The following ZC3H3 variants were observed in gnomAD, a reference collection of about 807,000 sequenced individuals.
ZC3H3 encodes zinc finger CCCH-type containing 3.
In ZC3H3, 36 loss-of-function variants were observed where a neutral mutation model predicts 77.3. That is an observed-to-expected ratio of 0.47 (90% CI 0.36 to 0.61). The LOEUF is 0.61. ZC3H3 is among the 20% of genes least tolerant of loss of function. The probability of loss-of-function intolerance (pLI) is 0.00; values close to 1 mark genes in which losing one functional copy is unlikely to be tolerated. For synonymous variants in ZC3H3, 626 were observed against 555.2 expected (o/e 1.13, Z -1.79); for missense variants, 1,331 against 1,312.2 (o/e 1.01, Z -0.22).
Position 143,516,158 on chromosome 8 carries a change from G to A in ZC3H3, c.1562-8259C>T, listed in dbSNP as rs148671740. On this transcript the variant is annotated intron_variant, in intron 3 of 11. Coordinates refer to ENST00000262577, the MANE Select transcript of ZC3H3 (RefSeq NM_015117.3). ...GAGTGCCCCGCCCCTACGCTGGCGC[G>A]GCAGGAGCTGCCAGGACCGCACTCT... 7.2e-4 allele frequency among the ~76,000 whole-genome samples: 110 copies of A among 152,380 alleles called. 1 individual carries two copies. Among genetic ancestry groups the A allele is most frequent in the Admixed American group, 2.6e-3 (40 of 15,312 alleles).
chr8:143,457,823 C>T (rs1247203985), intron 9 of ZC3H3, among the ~76,000 whole-genome samples: 4 of 152,018 alleles, frequency 2.6e-5, no homozygotes, highest in South Asian at 4.2e-4. Flanking sequence ...GCTATGATTG[C>T]ACCACTGCAC....
chr8:143,479,957 C>T (rs1015933862), intron 4 of ZC3H3, among the ~76,000 whole-genome samples: 3 of 152,222 alleles, frequency 2.0e-5, no homozygotes, highest in Admixed American at 1.3e-4. Context: ...AGAGGCTGCC[C>T]GGGCTGGCGA....
chr8:143,453,083 G>T (rs1185472330), intron 9 of ZC3H3, among the ~76,000 whole-genome samples: 1 of 152,116 alleles, frequency 6.6e-6, no homozygotes, highest in Non-Finnish European at 1.5e-5. Flanking sequence ...CAGCCAGAGA[G>T]AAACTACATT....
At chr8:143,461,662 C>T (rs774304742) in intron 9 of ZC3H3, among the ~76,000 whole-genome samples, 28 of 152,040 alleles carry the variant, frequency 1.8e-4, no homozygotes, top group Non-Finnish European at 2.5e-4. Flanking sequence ...GTAATAAAAA[C>T]GGGTGCAGCG....
In ZC3H3 at chr8:143,498,166, A is replaced by T. The variant is rs567265259; in HGVS notation, c.1715+9580T>A. On this transcript the variant is annotated intron_variant, in intron 4 of 11. Transcript: ENST00000262577. ...CCTGCTACAGCCACCTGCCTGGGGG[A>T]CCCTGGAAAGAAGGTCAAGAAGCCA... is the stretch of plus-strand genomic sequence containing the variant. 1.9e-3 allele frequency among the ~76,000 whole-genome samples: 296 copies of T among 152,174 alleles called. 3 individuals are homozygous for T. Among genetic ancestry groups the T allele is most frequent in the Non-Finnish European group, 1.0e-3 (71 of 67,972 alleles).
chr8:143,444,954 A>C (rs1819830136), intron 9 of ZC3H3, among the ~76,000 whole-genome samples: 1 of 152,246 alleles, frequency 6.6e-6, no homozygotes. Flanking sequence ...ACTAATTACT[A>C]ATATAGTTCA....
In ZC3H3 at chr8:143,538,885, T is replaced by TC. The variant is rs767181677; in HGVS notation, c.481dup (p.Glu161GlyfsTer3). On this transcript the variant is annotated frameshift_variant, in exon 2 of 12. Coordinates refer to ENST00000262577, the MANE Select transcript of ZC3H3 (RefSeq NM_015117.3). LOFTEE classifies it high-confidence loss of function. ...TCCCCGAGGGGGCTCACCTTCACCT[T>TC]CCCGGGGCCTTTGGTCACTCCAGGG... The TC allele has an allele frequency of 6.2e-7, 1 of 1,612,670 alleles. No homozygotes were observed. The highest frequency in any genetic ancestry group is 1.3e-5 in the African/African-American group (1 of 75,056).
rs1358185214 is a variant in ZC3H3 at position 143,460,699 on chromosome 8, G to A, written c.2307+5018C>T. Reference sequence around the variant, plus strand: ...AAACGCAGTGCACACACAACGGAATGTTACTCTACCATAAGAAAGGAATGA... The same window carrying A: ...AAACGCAGTGCACACACAACGGAATATTACTCTACCATAAGAAAGGAATGA... On this transcript the variant is annotated intron_variant, in intron 9 of 11. Coordinates refer to ENST00000262577, the MANE Select transcript of ZC3H3 (RefSeq NM_015117.3). The surrounding 1 kb of genome is among the most constrained non-coding windows in gnomAD (Gnocchi z 4.0). 6.6e-6 allele frequency among the ~76,000 whole-genome samples: 1 copy of A among 152,154 alleles called. No individual in the cohort carries two copies. Among genetic ancestry groups the A allele is most frequent in the Admixed American group, 6.5e-5 (1 of 15,278 alleles).
At position 143,534,933 on chromosome 8, in the gene ZC3H3, G is replaced by A. The variant is rs1252310574; in HGVS notation, c.1561+1324C>T. 4.6e-5 allele frequency among the ~76,000 whole-genome samples: 7 copies of A among 151,986 alleles called. No individual in the cohort carries two copies. The East Asian group carries it at 1.4e-3, about 29-fold the overall frequency. ...CATCGCCCCATTCAGCCCTCCACCT[G>A]GGACCCAACGCCCTGCCCTCCCGCG... is the stretch of plus-strand genomic sequence containing the variant. On this transcript the variant is annotated intron_variant, in intron 3 of 11. Transcript: ENST00000262577.
rs557854729 is a variant in ZC3H3, at chr8:143,474,960, T to C, written c.1903+438A>G. ...CTCGCCCGGGCGTGTTTGCCGTACC[T>C]GGCATCATCCTTTTTCCAAAAGCGA... On this transcript the variant is annotated intron_variant, in intron 5 of 11. Coordinates refer to ENST00000262577, the MANE Select transcript of ZC3H3 (RefSeq NM_015117.3). Among the ~76,000 whole-genome samples the C allele has an allele frequency of 4.6e-3, 701 of 152,296 alleles. 5 individuals carry two copies. Among genetic ancestry groups the C allele is most frequent in the African/African-American group, 0.016 (673 of 41,560 alleles).
intron 3 of ZC3H3, among the ~76,000 whole-genome samples, chr8:143,511,911 C>T (rs1468406232): frequency 6.6e-6 from 1 of 152,236 alleles, no homozygotes; most frequent in Non-Finnish European, 1.5e-5. Context: ...AGCTGGGGAG[C>T]GGGGAGAGCT....
chr8:143,477,767 C>T (rs984131495), intron 4 of ZC3H3, among the ~76,000 whole-genome samples: 2 of 152,214 alleles, frequency 1.3e-5, no homozygotes, highest in East Asian at 1.9e-4. Flanking sequence ...TGCACCAGCC[C>T]CACAGTACTC....
chr8:143,447,776 A>G (rs1390837304), intron 9 of ZC3H3, among the ~76,000 whole-genome samples: 1 of 152,096 alleles, frequency 6.6e-6, no homozygotes, highest in African/African-American at 2.4e-5. Context: ...CTTTTAACTG[A>G]CCAGATGTCA....
At chr8:143,442,719 A>G (rs963813866) in intron 9 of ZC3H3, among the ~76,000 whole-genome samples, 1 of 152,230 alleles carries the variant, frequency 6.6e-6, no homozygotes, top group African/African-American at 2.4e-5. Context: ...GTTGGTGTAA[A>G]CCATGTGCCA....
At chr8:143,476,808 C>T (rs557226374) in intron 4 of ZC3H3, among the ~76,000 whole-genome samples, 1 of 152,322 alleles carries the variant, frequency 6.6e-6, no homozygotes, top group African/African-American at 2.4e-5. Flanking sequence ...ACACTGGTCC[C>T]CATGGCCCTG....
chr8:143,516,566 C>CACAT (rs1180889079), intron 3 of ZC3H3, among the ~76,000 whole-genome samples: 7 of 92,870 alleles, frequency 7.5e-5, no homozygotes, highest in African/African-American at 3.4e-4. Context: ...CACACACACA[C>CACAT]ATACACACAC....
intron 9 of ZC3H3, among the ~76,000 whole-genome samples, chr8:143,450,388 C>T (rs1315031751): frequency 6.6e-6 from 1 of 152,180 alleles, no homozygotes; most frequent in African/African-American, 2.4e-5. Context: ...GCCATGTTGG[C>T]CAGGCTGATC....
At chr8:143,540,679 G>T (rs1822981912) in intron 1 of ZC3H3, among the ~76,000 whole-genome samples, 1 of 152,190 alleles carries the variant, frequency 6.6e-6, no homozygotes, top group African/African-American at 2.4e-5. Flanking sequence ...GTCGAGGCTG[G>T]GAGCGGTGGC....
rs775057195 is a variant in ZC3H3, at chr8:143,538,581, G to T, written c.786C>A (p.Asp262Glu). 6.2e-7 allele frequency: 1 copy of T among 1,610,736 alleles called. No individual in the cohort carries two copies. Among genetic ancestry groups the T allele is most frequent in the Non-Finnish European group, 8.5e-7 (1 of 1,180,008 alleles). Residue 262 changes from aspartate (D) to glutamate (E), a missense_variant, in exon 2 of 12, where the codon GAC becomes GAA. By Grantham distance (45) the Asp-to-Glu change is conservative. Transcript: ENST00000262577. ...VASCAPQLLG[D>E]RRVDAGHTDQ... ...CTGTGTGGCCAGCATCTACTCTCCTGTCCCCAAGGAGCTGTGGAGCACAGC... is the reference window on the plus strand; with the variant it reads ...CTGTGTGGCCAGCATCTACTCTCCTTTCCCCAAGGAGCTGTGGAGCACAGC...
Sources: gnomAD v4.1 joint callset for allele counts (sites outside exome capture counted in the v4.1 genomes callset) on GRCh38, gnomAD v4.1.1 for gene constraint, Gnocchi (gnomAD v3.1) non-coding constraint, MANE v1.5 for transcripts, NCBI Gene and HGNC (gene_info 2026-07-23, HGNC 2026-07-21) for gene names.